The following GLIS1 variants were observed in gnomAD, a reference collection of about 807,000 sequenced individuals.
The protein encoded by GLIS1 is zinc finger protein GLIS1.
A neutral mutation model predicts 63.8 loss-of-function variants in GLIS1; 24 were observed. That is an observed-to-expected ratio of 0.38 (90% CI 0.27 to 0.53). The LOEUF (loss-of-function observed/expected upper bound fraction) is 0.53. GLIS1 is among the 20% of genes least tolerant of loss of function. The pLI is 0.85. For synonymous variants in GLIS1, 450 were observed against 482.5 expected, an observed-to-expected ratio of 0.93 and a Z score of 0.88; for missense variants, 1,036 against 1,074.1, an observed-to-expected ratio of 0.96 and a Z score of 0.50.
chr1:53,637,472 C>T (rs893232579), intron 2 of GLIS1, among the ~76,000 whole-genome samples: 2 of 152,128 alleles, frequency 1.3e-5, no homozygotes, highest in Admixed American at 1.3e-4. Flanking sequence ...CCCTAAAACA[C>T]ATGAATGCAC....
At position 53,508,463 on chromosome 1, in the gene GLIS1, G is replaced by C. The variant is rs138878679; in HGVS notation, c.2230+657C>G. Among the ~76,000 whole-genome samples, 4 of 152,320 alleles carry C rather than the reference G, an allele frequency of 2.6e-5. No homozygotes were observed. The East Asian group carries it at 7.7e-4, about 29-fold the overall frequency. ...AAACCTCCTGTTAGACCTGGGCCCC[G>C]AGGCTGTTTTGAGGGTGGGTCTCAG... On this transcript the variant is annotated intron_variant, in intron 10 of 10. Coordinates refer to ENST00000628545, the MANE Select transcript of GLIS1 (RefSeq NM_001367484.1).
intron 2 of GLIS1, among the ~76,000 whole-genome samples, chr1:53,706,138 A>G (rs2100507780): frequency 6.6e-6 from 1 of 152,346 alleles, no homozygotes. Flanking sequence ...CTAATTTTAC[A>G]GGTGACCAAG....
At position 53,720,992 on chromosome 1, in the gene GLIS1, C is replaced by T. The variant is rs138541079; in HGVS notation, c.259+16814G>A. ...TAGCCTGGGTGACAGAACAAGACCC[C>T]ATCTCAAAAAAAAAAAGTTTCTGGC... On this transcript the variant is annotated intron_variant, in intron 2 of 10. Transcript: ENST00000628545. Among the ~76,000 whole-genome samples, 878 of 150,020 alleles carry T rather than the reference C, an allele frequency of 5.9e-3. 9 individuals carry two copies. The highest frequency in any genetic ancestry group is 0.021 in the African/African-American group (853 of 40,822).
At chr1:53,696,563 A>C (rs775568898) in intron 2 of GLIS1, among the ~76,000 whole-genome samples, 1 of 152,104 alleles carries the variant, frequency 6.6e-6, no homozygotes, top group African/African-American at 2.4e-5. Flanking sequence ...AAAACTCTCC[A>C]TGGCCCCCTC....
intron 2 of GLIS1, among the ~76,000 whole-genome samples, chr1:53,603,575 C>A (rs149936370): frequency 6.6e-6 from 1 of 152,216 alleles, no homozygotes; most frequent in African/African-American, 2.4e-5. Flanking sequence ...TGTCTTGCCT[C>A]CCTGTCCCCA....
At chr1:53,579,784 G>A (rs186103798) in intron 4 of GLIS1, among the ~76,000 whole-genome samples, 14 of 152,332 alleles carry the variant, frequency 9.2e-5, no homozygotes, top group Non-Finnish European at 1.8e-4. Context: ...CTCAGAGGGA[G>A]AGGTGCACAG....
chr1:53,678,131 G>C (rs1005998539), intron 2 of GLIS1, among the ~76,000 whole-genome samples: 2 of 152,046 alleles, frequency 1.3e-5, no homozygotes, highest in African/African-American at 4.8e-5. Flanking sequence ...TCTTCCCCAT[G>C]CTCCTGAGGC....
intron 4 of GLIS1, among the ~76,000 whole-genome samples, chr1:53,564,001 T>C (rs1644914438): frequency 2.6e-5 from 4 of 152,202 alleles, no homozygotes; most frequent in African/African-American, 7.2e-5. Flanking sequence ...AAAGAATTTC[T>C]AAAGAATAAG....
intron 2 of GLIS1, among the ~76,000 whole-genome samples, chr1:53,643,461 A>G (rs1261252653): frequency 2.6e-5 from 4 of 152,200 alleles, no homozygotes; most frequent in African/African-American, 9.7e-5. Context: ...TTCAGACTCC[A>G]TCATGCACAG....
intron 2 of GLIS1, among the ~76,000 whole-genome samples, chr1:53,621,258 C>T (rs921959317): frequency 6.6e-6 from 1 of 152,164 alleles, no homozygotes; most frequent in Admixed American, 6.5e-5. Context: ...ATTCTGTATC[C>T]CCCCCAAGTC....
rs555475525 is a variant in GLIS1, at chr1:53,614,744, A to G, written c.260-14466T>C. On this transcript the variant is annotated intron_variant, in intron 2 of 10. Coordinates refer to ENST00000628545, the MANE Select transcript of GLIS1 (RefSeq NM_001367484.1). ...CTGTTTCCTCATTGGAGTGGTGGCA[A>G]TGTGACTCTATGCATTTGTCAGATC... Among the ~76,000 whole-genome samples the G allele has an allele frequency of 3.9e-5, 6 of 152,156 alleles. No homozygotes were observed. The East Asian group carries it at 1.2e-3, about 29-fold the overall frequency.
intron 2 of GLIS1, among the ~76,000 whole-genome samples, chr1:53,644,285 C>T (rs1273560142): frequency 3.2e-4 from 48 of 152,238 alleles, no homozygotes; most frequent in Admixed American, 3.1e-3. Context: ...CCTCCAGCCT[C>T]TCACTCTGCC....
At chr1:53,557,265 G>T (rs1343658262) in intron 4 of GLIS1, among the ~76,000 whole-genome samples, 3 of 152,098 alleles carry the variant, frequency 2.0e-5, no homozygotes, top group Non-Finnish European at 4.4e-5. Flanking sequence ...TTTGTCCATA[G>T]TATCATAAAG....
At chr1:53,588,558 T>C (rs1645158968) in intron 4 of GLIS1, among the ~76,000 whole-genome samples, 1 of 152,238 alleles carries the variant, frequency 6.6e-6, no homozygotes, top group East Asian at 1.9e-4. Flanking sequence ...GACCTGCCAC[T>C]CATCCATTTC....
At chr1:53,618,842 G>A (rs1645509875) in intron 2 of GLIS1, among the ~76,000 whole-genome samples, 1 of 152,176 alleles carries the variant, frequency 6.6e-6, no homozygotes, top group Non-Finnish European at 1.5e-5. Flanking sequence ...TCACACTTGA[G>A]GTCAAGAATC....
chr1:53,684,513 G>A (rs1165867788), intron 2 of GLIS1, among the ~76,000 whole-genome samples: 2 of 152,092 alleles, frequency 1.3e-5, no homozygotes, highest in East Asian at 1.9e-4. Context: ...AACAAGTAGA[G>A]GTCAAAGCCA....
intron 2 of GLIS1, among the ~76,000 whole-genome samples, chr1:53,636,435 G>C (rs895492203): frequency 6.7e-6 from 1 of 149,322 alleles, no homozygotes; most frequent in African/African-American, 2.5e-5. Flanking sequence ...AACCAACCCC[G>C]AAAAGAAAAA....
intron 8 of GLIS1, among the ~76,000 whole-genome samples, chr1:53,512,183 G>T (rs539534883): frequency 6.6e-6 from 1 of 152,192 alleles, no homozygotes; most frequent in Admixed American, 6.5e-5. Context: ...CAGACATGAC[G>T]CCTGAGGCTA....
chr1:53,516,345 C>A (rs1328902087), intron 7 of GLIS1, among the ~76,000 whole-genome samples: 2 of 152,156 alleles, frequency 1.3e-5, no homozygotes, highest in African/African-American at 4.8e-5. Flanking sequence ...GCCCCTTTGG[C>A]CCAGGCCTGC....
Sources: allele counts gnomAD v4.1 joint callset (sites outside exome capture counted in the v4.1 genomes callset), GRCh38; gene constraint gnomAD v4.1.1; transcripts MANE v1.5; gene names NCBI Gene and HGNC (gene_info 2026-07-23, HGNC 2026-07-21).